Variants in MED27 observed in about 807,000 individuals in gnomAD.
MED27 encodes the protein mediator of RNA polymerase II transcription subunit 27.
In MED27, 30 loss-of-function variants were observed where a neutral mutation model predicts 38.2. That is an observed-to-expected ratio of 0.79 (90% CI 0.59 to 1.07). The LOEUF (loss-of-function observed/expected upper bound fraction) is 1.07. Among genes scored for constraint, MED27 ranks in the 50% least tolerant of loss-of-function variants. The probability of loss-of-function intolerance (pLI) is 0.00; values close to 1 mark genes in which losing one functional copy is unlikely to be tolerated. For synonymous variants in MED27, 122 were observed against 153.5 expected (o/e 0.79, Z 1.52); for missense variants, 289 against 397.5 (o/e 0.73, Z 2.32).
chr9:132,067,861 G>A lies in MED27; in HGVS notation c.348+9581C>T, dbSNP rs576172278. Among the ~76,000 whole-genome samples, 7 of 152,080 alleles carry A rather than the reference G, an allele frequency of 4.6e-5. No homozygotes were observed. In the East Asian group the frequency reaches 5.8e-4, roughly 13 times the overall value. ...CCAGTAGCTGGGACTATAGGCACCC[G>A]CCACTATGCTTGGCTAATTTTTTGT... On this transcript the variant is annotated intron_variant, in intron 2 of 7. Transcript: ENST00000292035.
chr9:132,024,082 T>TG (rs984743649), intron 2 of MED27, among the ~76,000 whole-genome samples: 1 of 152,170 alleles, frequency 6.6e-6, no homozygotes, highest in African/African-American at 2.4e-5. Context: ...GCACAGAAGA[T>TG]GGAGCCTTGC....
chr9:131,907,950 C>G (rs530535305), intron 4 of MED27, among the ~76,000 whole-genome samples: 44 of 151,084 alleles, frequency 2.9e-4, no homozygotes, highest in African/African-American at 1.0e-3. Context: ...CCCGGCTGCC[C>G]CATCTGAGAA....
intron 2 of MED27, among the ~76,000 whole-genome samples, chr9:132,031,060 G>A (rs989603586): frequency 6.6e-6 from 1 of 152,262 alleles, no homozygotes; most frequent in African/African-American, 2.4e-5. Context: ...CAAAGACTGA[G>A]GAAGTGGGGA....
At chr9:132,017,630 A>G (rs1832632560) in intron 2 of MED27, among the ~76,000 whole-genome samples, 1 of 152,186 alleles carries the variant, frequency 6.6e-6, no homozygotes, top group Non-Finnish European at 1.5e-5. Flanking sequence ...TTGGAGGGGA[A>G]GGTTCGTGAT....
Position 131,860,647 on chromosome 9 carries a change from A to G in MED27, c.827T>C (p.Leu276Pro). The G allele has an allele frequency of 6.2e-7, 1 of 1,613,430 alleles. No individual in the cohort carries two copies. Among genetic ancestry groups the G allele is most frequent in the Non-Finnish European group, 8.5e-7 (1 of 1,179,730 alleles). Residue 276 changes from leucine (L) to proline (P), a missense_variant, in exon 8 of 8, where the codon CTG (leucine) becomes CCG (proline). Leu to Pro is a moderately conservative substitution (Grantham distance 98). Coordinates refer to ENST00000292035, the MANE Select transcript of MED27 (RefSeq NM_004269.4). The surrounding 1 kb of genome is among the most constrained non-coding windows in gnomAD (Gnocchi z 5.8). ...FMTWLRSYIK[L>P]FQAPCQRCGK... The stretch of plus-strand genomic sequence containing the variant: ...GCAGCGCTGGCACGGGGCCTGGAAC[A>G]GCTTTATGTAACTTCTTAACCAGGT...
chr9:131,994,409 T>C (rs1832047247), intron 3 of MED27, among the ~76,000 whole-genome samples: 1 of 152,134 alleles, frequency 6.6e-6, no homozygotes, highest in Admixed American at 6.5e-5. Flanking sequence ...AAACCAATAT[T>C]GCATCCCAGG....
At chr9:131,975,660 G>A (rs984209656) in intron 3 of MED27, among the ~76,000 whole-genome samples, 7 of 152,150 alleles carry the variant, frequency 4.6e-5, no homozygotes, top group African/African-American at 1.2e-4. Flanking sequence ...AAGAGTTAAC[G>A]GCTTAGAGAA....
intron 4 of MED27, among the ~76,000 whole-genome samples, chr9:131,930,210 T>C (rs116308396): frequency 0.016 from 2,479 of 152,246 alleles, 70 homozygotes; most frequent in African/African-American, 0.056. Context: ...TAACATCAGA[T>C]CACTGTCCAA....
At chr9:131,899,297 A>AG (rs1231206867) in intron 4 of MED27, among the ~76,000 whole-genome samples, 1 of 152,110 alleles carries the variant, frequency 6.6e-6, no homozygotes, top group Non-Finnish European at 1.5e-5. Flanking sequence ...GGAAGCTGAG[A>AG]GGGGGTGACA....
At chr9:132,078,611 ACCT>A (rs986090311) in intron 1 of MED27, among the ~76,000 whole-genome samples, 20 of 151,384 alleles carry the variant, frequency 1.3e-4, no homozygotes, top group African/African-American at 3.1e-4. Flanking sequence ...TCATTTGGCC[ACCT>A]CCTCCTCCTC....
intron 4 of MED27, among the ~76,000 whole-genome samples, chr9:131,912,301 T>G (rs1830205858): frequency 6.6e-6 from 1 of 152,234 alleles, no homozygotes; most frequent in Admixed American, 6.5e-5. Context: ...TTAGCTTTCT[T>G]TAACCAGTGA....
At chr9:132,035,443 T>C (rs1409075527) in intron 2 of MED27, among the ~76,000 whole-genome samples, 2 of 152,002 alleles carry the variant, frequency 1.3e-5, no homozygotes, top group Non-Finnish European at 2.9e-5. Flanking sequence ...AGGTACAACA[T>C]GCAGGATGTT....
At chr9:132,058,335 C>A (rs1452066785) in intron 2 of MED27, among the ~76,000 whole-genome samples, 1 of 152,164 alleles carries the variant, frequency 6.6e-6, no homozygotes, top group East Asian at 1.9e-4. Flanking sequence ...CCCATAACCC[C>A]CACATGTCGT....
At chr9:132,026,023 G>A (rs1832810079) in intron 2 of MED27, among the ~76,000 whole-genome samples, 1 of 152,198 alleles carries the variant, frequency 6.6e-6, no homozygotes, top group East Asian at 1.9e-4. Context: ...TCATAAGAGA[G>A]TTGAGCCTAA....
intron 3 of MED27, among the ~76,000 whole-genome samples, chr9:131,996,673 C>A (rs1323984449): frequency 6.6e-6 from 1 of 152,152 alleles, no homozygotes; most frequent in Non-Finnish European, 1.5e-5. Context: ...GGCCCTTGAA[C>A]AACATGAGTT....
chr9:131,893,856 A>T (rs754773226), intron 5 of MED27, 29 bp downstream of exon 5: 1 of 1,534,534 alleles, frequency 6.5e-7, no homozygotes, highest in African/African-American at 1.4e-5. Context: ...CAGAAAACCA[A>T]GGAACACACA....
At chr9:131,893,197 C>T (rs978914511) in intron 5 of MED27, among the ~76,000 whole-genome samples, 5 of 152,252 alleles carry the variant, frequency 3.3e-5, no homozygotes, top group East Asian at 1.9e-4. Context: ...GACCAGGCTC[C>T]GTGCTGAGAG....
At chr9:132,014,263 C>T (rs2131076605) in intron 3 of MED27, 74 bp downstream of exon 3, 6 of 1,457,782 alleles carry the variant, frequency 4.1e-6, no homozygotes, top group Non-Finnish European at 5.6e-6. Context: ...CAGTAACTTT[C>T]CACTACCCAA....
intron 4 of MED27, among the ~76,000 whole-genome samples, chr9:131,936,336 G>A (rs553517358): frequency 6.6e-6 from 1 of 152,274 alleles, no homozygotes; most frequent in Admixed American, 6.5e-5. Context: ...CTTGTCAGAT[G>A]AGCACAGTTG....
Sources: allele counts gnomAD v4.1 joint callset (sites outside exome capture counted in the v4.1 genomes callset), GRCh38; gene constraint gnomAD v4.1.1; non-coding constraint Gnocchi (gnomAD v3.1); transcripts MANE v1.5; gene names NCBI Gene and HGNC (gene_info 2026-07-23, HGNC 2026-07-21).